The following SGMS1 variants were observed in gnomAD, a reference collection of about 807,000 sequenced individuals.
The protein encoded by SGMS1 is phosphatidylcholine:ceramide cholinephosphotransferase 1.
SGMS1 carries 13 observed loss-of-function variants against 46.2 expected under a neutral mutation model. The observed-to-expected ratio is 0.28, with a 90% confidence interval of 0.18 to 0.45. The LOEUF is 0.45. Among genes scored for constraint, SGMS1 ranks in the 20% least tolerant of loss-of-function variants. SGMS1 has a pLI of 1.00. For missense variants in SGMS1, 324 were observed against 519.9 expected (o/e 0.62, Z 3.66); for synonymous variants, 203 against 187.8 (o/e 1.08, Z -0.66).
At chr10:50,388,796 C>A (rs1848722728) in intron 6 of SGMS1, among the ~76,000 whole-genome samples, 1 of 151,984 alleles carries the variant, frequency 6.6e-6, no homozygotes, top group Non-Finnish European at 1.5e-5. Context: ...AATAATAAAA[C>A]AAAACACCTG....
rs568587629 is a variant in SGMS1, at chr10:50,316,852, G to T, written c.742-5437C>A. Among the ~76,000 whole-genome samples the T allele has an allele frequency of 9.2e-5, 14 of 152,248 alleles. No homozygotes were observed. The South Asian group carries it at 2.9e-3, about 32-fold the overall frequency. On this transcript the variant is annotated intron_variant, in intron 8 of 10. Coordinates refer to ENST00000361781, the MANE Select transcript of SGMS1 (RefSeq NM_147156.4). Reference sequence around the variant, plus strand: ...TGAGAAACACACCTTACACACTGTGGTGTCCCTCAACATCAACTTCCCAAG... The same window carrying T: ...TGAGAAACACACCTTACACACTGTGTTGTCCCTCAACATCAACTTCCCAAG...
chr10:50,542,812 C>T (rs1838066193), intron 2 of SGMS1, among the ~76,000 whole-genome samples: 1 of 145,152 alleles, frequency 6.9e-6, no homozygotes, highest in African/African-American at 2.5e-5. Context: ...TTTCAGCAAC[C>T]ATTCCTGCAG....
intron 1 of SGMS1, 121 bp from the exon 2 acceptor site, chr10:50,590,368 C>T (rs766430782): frequency 7.2e-5 from 11 of 152,170 alleles, no homozygotes; most frequent in East Asian, 1.9e-4. Context: ...ACTGCTACAA[C>T]TTTTTAATAG....
At chr10:50,402,659 T>C (rs1302414729) in intron 6 of SGMS1, among the ~76,000 whole-genome samples, 2 of 152,184 alleles carry the variant, frequency 1.3e-5, no homozygotes, top group Non-Finnish European at 2.9e-5. Context: ...ACTATTTTTC[T>C]AGGATTTAGG....
chr10:50,496,544 A>G (rs1402221105), intron 3 of SGMS1, among the ~76,000 whole-genome samples: 1 of 152,192 alleles, frequency 6.6e-6, no homozygotes. Flanking sequence ...TTCCTCAACA[A>G]AACACAAGCC....
At chr10:50,419,936 C>T (rs539576256) in intron 6 of SGMS1, among the ~76,000 whole-genome samples, 3 of 152,248 alleles carry the variant, frequency 2.0e-5, no homozygotes, top group South Asian at 2.1e-4. Context: ...CAAAGCAGCA[C>T]GGGAGAGTGG....
At chr10:50,449,387 T>C (rs1837071076) in intron 5 of SGMS1, among the ~76,000 whole-genome samples, 1 of 152,164 alleles carries the variant, frequency 6.6e-6, no homozygotes, top group South Asian at 2.1e-4. Flanking sequence ...GTGCAGGGCT[T>C]TGATTATGAC....
intron 1 of SGMS1, among the ~76,000 whole-genome samples, chr10:50,605,258 G>A (rs1838684581): frequency 1.3e-5 from 2 of 152,198 alleles, no homozygotes; most frequent in Admixed American, 6.5e-5. Context: ...AGCTTGCTGT[G>A]CAAACACAGC....
At chr10:50,556,816 A>G (rs1285154212) in intron 2 of SGMS1, among the ~76,000 whole-genome samples, 1 of 152,238 alleles carries the variant, frequency 6.6e-6, no homozygotes, top group African/African-American at 2.4e-5. Context: ...AGCAATCAAC[A>G]TCAAGTCCAC....
intron 5 of SGMS1, among the ~76,000 whole-genome samples, chr10:50,452,704 T>C (rs1837127151): frequency 2.0e-5 from 3 of 152,244 alleles, no homozygotes; most frequent in Middle Eastern, 3.4e-3. Flanking sequence ...CCAGGACCAC[T>C]CAAGCTGGTG....
chr10:50,472,648 T>C (rs1283785108), intron 3 of SGMS1, among the ~76,000 whole-genome samples: 1 of 152,200 alleles, frequency 6.6e-6, no homozygotes, highest in Non-Finnish European at 1.5e-5. Context: ...GGAGTGCACA[T>C]ATCTCTTCTA....
chr10:50,563,765 A>AAAG (rs1213467670), intron 2 of SGMS1, among the ~76,000 whole-genome samples: 6 of 150,920 alleles, frequency 4.0e-5, no homozygotes, highest in African/African-American at 1.2e-4. Context: ...AAAAAAAAAA[A>AAAG]AGAAACTCTT....
chr10:50,343,462 A>T, intron 7 of SGMS1, 30 bp downstream of exon 7: 2 of 1,543,254 alleles, frequency 1.3e-6, no homozygotes, highest in Non-Finnish European at 1.7e-6. Flanking sequence ...TCCCATAATC[A>T]TTGAATCTTA....
At chr10:50,507,901 C>T (rs534887382) in intron 3 of SGMS1, among the ~76,000 whole-genome samples, 3 of 152,182 alleles carry the variant, frequency 2.0e-5, no homozygotes, top group Non-Finnish European at 4.4e-5. Context: ...ATGTTCCAAC[C>T]AGGGGTTCCA....
At chr10:50,469,339 G>C (rs1355750102) in intron 3 of SGMS1, among the ~76,000 whole-genome samples, 1 of 152,146 alleles carries the variant, frequency 6.6e-6, no homozygotes, top group Non-Finnish European at 1.5e-5. Flanking sequence ...GGCTTGAGAA[G>C]GTCTAGAGGG....
At chr10:50,434,965 GA>G (rs1398669695) in intron 5 of SGMS1, among the ~76,000 whole-genome samples, 1 of 149,578 alleles carries the variant, frequency 6.7e-6, no homozygotes, top group Non-Finnish European at 1.5e-5. Context: ...AATAAAGAAA[GA>G]ACTTGTCAGC....
At chr10:50,524,301 A>G (rs1239143949) in intron 2 of SGMS1, among the ~76,000 whole-genome samples, 1 of 152,092 alleles carries the variant, frequency 6.6e-6, no homozygotes, top group Non-Finnish European at 1.5e-5. Flanking sequence ...TGTGCAACCC[A>G]TTTCCCAGAA....
chr10:50,312,770 G>A (rs1589380504), intron 8 of SGMS1, among the ~76,000 whole-genome samples: 1 of 152,166 alleles, frequency 6.6e-6, no homozygotes, highest in East Asian at 1.9e-4. Context: ...AATCACAGAG[G>A]GTACAGTCTC....
At position 50,306,813 on chromosome 10, in the gene SGMS1, A is replaced by G. The variant is rs1481803514; in HGVS notation, c.*329T>C. ...ACGCTTTATTTCCAGATGTGACTGG[A>G]AAGACCAGAACTTATGATATAAAAG... On this transcript the variant is annotated 3_prime_UTR_variant, in exon 11 of 11. Transcript: ENST00000361781. 1.6e-5 allele frequency: 3 copies of G among 192,930 alleles called. No individual in the cohort carries two copies. Among genetic ancestry groups the G allele is most frequent in the Non-Finnish European group, 3.2e-5 (3 of 95,092 alleles). 12.0% of individuals were successfully genotyped at this position (192,930 alleles called of 1,614,324 possible).
Sources: allele counts gnomAD v4.1 joint callset (sites outside exome capture counted in the v4.1 genomes callset), GRCh38; gene constraint gnomAD v4.1.1; transcripts MANE v1.5; gene names NCBI Gene and HGNC (gene_info 2026-07-23, HGNC 2026-07-21).